Variants in LAMA3 observed in about 807,000 individuals in gnomAD.
The protein encoded by LAMA3 is laminin subunit alpha-3.
In LAMA3, 281 loss-of-function variants were observed where a neutral mutation model predicts 402.0. The ratio of observed to expected loss-of-function variants is 0.70; its 90% CI spans 0.63 to 0.77. The LOEUF (loss-of-function observed/expected upper bound fraction) is 0.77. Ranked by LOEUF, LAMA3 falls within the 30% of genes least tolerant of loss-of-function variation. LAMA3 has a pLI of 0.00. For missense variants in LAMA3, 3,840 were observed against 4,215.5 expected (o/e 0.91, Z 2.47); for synonymous variants, 1,431 against 1,558.4 (o/e 0.92, Z 1.93).
At chr18:23,813,616 T>C (rs111722625) in intron 14 of LAMA3, among the ~76,000 whole-genome samples, 215 of 143,804 alleles carry the variant, frequency 1.5e-3, no homozygotes, top group African/African-American at 5.1e-3. Context: ...CGATCTCAGC[T>C]CACTGCAACC....
chr18:23,784,266 T>C, intron 12 of LAMA3, 109 bp downstream of exon 12: 1 of 1,327,932 alleles, frequency 7.5e-7, no homozygotes, highest in Admixed American at 1.7e-5. Context: ...GTTTAATAAA[T>C]GGGCCCCTGG....
intron 34 of LAMA3, among the ~76,000 whole-genome samples, chr18:23,861,389 G>T: frequency 6.6e-6 from 1 of 152,132 alleles, no homozygotes; most frequent in East Asian, 1.9e-4. Context: ...CCTACTAAAT[G>T]TCAAGAACAA....
chr18:23,860,959 T>A (rs1404672254), intron 34 of LAMA3, among the ~76,000 whole-genome samples: 1 of 152,196 alleles, frequency 6.6e-6, no homozygotes, highest in East Asian at 1.9e-4. Flanking sequence ...CCCAAAGTGC[T>A]GTGATTACAG....
chr18:23,829,777 C>T (rs75183500), intron 23 of LAMA3, among the ~76,000 whole-genome samples: 1,898 of 152,248 alleles, frequency 0.012, 49 homozygotes, highest in African/African-American at 0.043. Flanking sequence ...CCCTCCCATC[C>T]CTCCACTTTT....
At chr18:23,944,094 T>C (rs1240932844) in intron 69 of LAMA3, 123 bp downstream of exon 69, 12 of 936,348 alleles carry the variant, frequency 1.3e-5, no homozygotes, top group Admixed American at 2.0e-5. Flanking sequence ...GCTTGTGTGC[T>C]TGCAGGCGCT....
chr18:23,783,936 T>C lies in LAMA3; in HGVS notation c.1469-87T>C, dbSNP rs140691578. 723 of 1,490,664 alleles carry C rather than the reference T, an allele frequency of 4.9e-4. 3 individuals are homozygous for C. The African/African-American group carries it at 8.5e-3, about 18-fold the overall frequency. The allele number at this position is 1,490,664 out of a possible 1,614,324, so 92.3% of individuals were successfully genotyped here. A position where few individuals can be genotyped will look rare whatever the true frequency, so the allele number is the denominator to read the frequency against. On this transcript the variant is annotated intron_variant, in intron 11 of 74. Coordinates refer to ENST00000313654, the MANE Select transcript of LAMA3 (RefSeq NM_198129.4). ...GCCATAGATAATTAATAATCTATAT[T>C]CCCATGATAGAAACCTAGGGGAAGG... is the stretch of plus-strand genomic sequence containing the variant.
intron 2 of LAMA3, among the ~76,000 whole-genome samples, chr18:23,736,408 C>T (rs1030032670): frequency 6.6e-6 from 1 of 151,008 alleles, no homozygotes; most frequent in African/African-American, 2.4e-5. Context: ...ATTAGTGAGA[C>T]TATCTTTCAC....
At chr18:23,847,357 C>G (rs1329368417) in intron 31 of LAMA3, 107 bp from the exon 32 acceptor site, 1 of 1,175,538 alleles carries the variant, frequency 8.5e-7, no homozygotes, top group African/African-American at 1.5e-5. Flanking sequence ...CCAAATATTT[C>G]TCTCTGACCC....
At chr18:23,873,076 G>A in intron 38 of LAMA3, 6 of 1,614,244 alleles carry the variant, frequency 3.7e-6, no homozygotes, top group Non-Finnish European at 5.1e-6. Flanking sequence ...TCAGCCTGCA[G>A]CATGGGATGG....
intron 24 of LAMA3, among the ~76,000 whole-genome samples, chr18:23,835,702 A>G (rs2063568254): frequency 6.6e-6 from 1 of 152,214 alleles, no homozygotes; most frequent in African/African-American, 2.4e-5. Context: ...GTGAAAATCA[A>G]CAGGCTACAA....
chr18:23,914,848 A>G lies in LAMA3; in HGVS notation c.7632A>G (p.Pro2544=), dbSNP rs776865694. 6.2e-7 allele frequency: 1 copy of G among 1,611,658 alleles called. No individual in the cohort carries two copies. Among genetic ancestry groups the G allele is most frequent in the Admixed American group, 1.7e-5 (1 of 60,024 alleles). Residue 2544 remains proline (P), a synonymous_variant, in exon 58 of 75, where the codon CCA becomes CCG. Coordinates refer to ENST00000313654, the MANE Select transcript of LAMA3 (RefSeq NM_198129.4). ...TTGTATTTTATGTTGGAGGTTACCC[A>G]CCTGATTTTAAAGTAAGTGTAAATG... The part of the protein sequence containing the change: ...ENVVFYVGGY[P]PDFKLPSRLS...
chr18:23,713,061 A>G (rs1267780124), intron 1 of LAMA3, among the ~76,000 whole-genome samples: 2 of 152,198 alleles, frequency 1.3e-5, no homozygotes, highest in African/African-American at 4.8e-5. Flanking sequence ...AATCAAAAGA[A>G]TCTGCCTAGT....
chr18:23,784,907 A>G (rs970903144), intron 12 of LAMA3, among the ~76,000 whole-genome samples: 1 of 152,240 alleles, frequency 6.6e-6, no homozygotes, highest in Admixed American at 6.5e-5. Context: ...GCAGGAAATA[A>G]AACACCACTT....
chr18:23,842,633 C>T lies in LAMA3; in HGVS notation c.3486C>T (p.Cys1162=). 6.2e-7 allele frequency: 1 copy of T among 1,614,162 alleles called. No individual in the cohort carries two copies. Among genetic ancestry groups the T allele is most frequent in the African/African-American group, 1.3e-5 (1 of 75,042 alleles). ...PRAGSFHASF[C]PHVLGCRDQV... The stretch of plus-strand genomic sequence containing the variant: ...CAGGCTCCTTCCATGCCTCTTTTTG[C>T]CCCCATGTGCTTGGCTGCCGGGATC... Residue 1162 remains cysteine, a synonymous_variant, in exon 29 of 75, where the codon TGC becomes TGT. Transcript: ENST00000313654.
rs1347622726 is a variant in LAMA3 at position 23,921,604 on chromosome 18, A to G, written c.8177+19A>G. 1 of 1,613,260 alleles carries G rather than the reference A, an allele frequency of 6.2e-7. No individual in the cohort carries two copies. Among genetic ancestry groups the G allele is most frequent in the Non-Finnish European group, 8.5e-7 (1 of 1,179,666 alleles). On this transcript the variant is annotated intron_variant, in intron 62 of 74. Transcript: ENST00000313654. ...GGGAAAGGTAAGATGATTTTTTTAAAACGAGATTTAAAGCCTTTGTTAGTG... is the reference window on the plus strand; with the variant it reads ...GGGAAAGGTAAGATGATTTTTTTAAGACGAGATTTAAAGCCTTTGTTAGTG...
chr18:23,933,397 C>A (rs1189182803), intron 66 of LAMA3, among the ~76,000 whole-genome samples: 1 of 152,094 alleles, frequency 6.6e-6, no homozygotes, highest in African/African-American at 2.4e-5. Context: ...TTAAAAAAAT[C>A]ATGGATACAT....
intron 1 of LAMA3, among the ~76,000 whole-genome samples, chr18:23,692,654 C>T (rs2060614151): frequency 6.6e-6 from 1 of 152,112 alleles, no homozygotes; most frequent in African/African-American, 2.4e-5. Context: ...ATTTTGTTTC[C>T]ATGAGAAAAG....
intron 12 of LAMA3, 96 bp downstream of exon 12, chr18:23,784,253 G>A (rs1440167410): frequency 1.3e-6 from 2 of 1,485,600 alleles, no homozygotes; most frequent in Non-Finnish European, 1.9e-6. Flanking sequence ...TGTCTGGCTT[G>A]CAGTTTAATA....
At chr18:23,875,317 T>C (rs2064672078) in intron 38 of LAMA3, among the ~76,000 whole-genome samples, 1 of 152,188 alleles carries the variant, frequency 6.6e-6, no homozygotes, top group African/African-American at 2.4e-5. Flanking sequence ...CTAGAATCCT[T>C]TTAAAAAGAT....
Sources: gnomAD v4.1 joint callset for allele counts (sites outside exome capture counted in the v4.1 genomes callset) on GRCh38, gnomAD v4.1.1 for gene constraint, MANE v1.5 for transcripts, NCBI Gene and HGNC (gene_info 2026-07-23, HGNC 2026-07-21) for gene names.